Variants in MYT1L observed in about 807,000 individuals in gnomAD.
MYT1L encodes the protein myelin transcription factor 1-like protein.
A neutral mutation model predicts 126.7 loss-of-function variants in MYT1L; 12 were observed. The observed-to-expected ratio is 0.09, with a 90% CI of 0.06 to 0.15. The LOEUF (loss-of-function observed/expected upper bound fraction) is 0.15. Among genes scored for constraint, MYT1L ranks in the 10% least tolerant of loss-of-function variants. MYT1L has a pLI of 1.00. For synonymous variants in MYT1L, 541 were observed against 604.2 expected (o/e 0.90, Z 1.53); for missense variants, 979 against 1,585.2 (o/e 0.62, Z 6.49).
At chr2:2,133,974 T>G (rs771952475) in intron 3 of MYT1L, among the ~76,000 whole-genome samples, 4 of 152,238 alleles carry the variant, frequency 2.6e-5, no homozygotes, top group Admixed American at 1.3e-4. Context: ...TTGATTCTCT[T>G]TAGAAACTGC....
chr2:2,009,989 CTT>C (rs2063677728), intron 4 of MYT1L, among the ~76,000 whole-genome samples: 1 of 134,980 alleles, frequency 7.4e-6, no homozygotes, highest in Non-Finnish European at 1.6e-5. Flanking sequence ...GTTTTAAAAT[CTT>C]TCATTCTGTT....
At chr2:1,935,617 C>T (rs374967610) in intron 9 of MYT1L, among the ~76,000 whole-genome samples, 11 of 152,274 alleles carry the variant, frequency 7.2e-5, no homozygotes, top group East Asian at 1.9e-4. Flanking sequence ...AGGAAGGGCA[C>T]GTACTATTAT....
chr2:1,927,105 G>A (rs1573639638), intron 9 of MYT1L, among the ~76,000 whole-genome samples: 1 of 152,192 alleles, frequency 6.6e-6, no homozygotes, highest in East Asian at 1.9e-4. Context: ...GGCCAGCCTG[G>A]GGCTGACCGC....
At chr2:2,039,503 T>C (rs1169525440) in intron 4 of MYT1L, among the ~76,000 whole-genome samples, 1 of 152,202 alleles carries the variant, frequency 6.6e-6, no homozygotes, top group African/African-American at 2.4e-5. Flanking sequence ...GTTTCCTGAC[T>C]GTTAGGGAAG....
At chr2:1,921,995 T>A (rs2053626170) in intron 10 of MYT1L, among the ~76,000 whole-genome samples, 1 of 152,242 alleles carries the variant, frequency 6.6e-6, no homozygotes, top group Admixed American at 6.5e-5. Context: ...TATCAAGTGA[T>A]GTGTCTGTGC....
At chr2:2,094,335 T>C (rs2150408623) in intron 3 of MYT1L, among the ~76,000 whole-genome samples, 1 of 152,318 alleles carries the variant, frequency 6.6e-6, no homozygotes, top group Admixed American at 6.5e-5. Context: ...TGTAAACTGG[T>C]TCAACCATTG....
chr2:2,005,087 CGTTCTTTCCTG>C, intron 4 of MYT1L, among the ~76,000 whole-genome samples: 1 of 148,506 alleles, frequency 6.7e-6, no homozygotes, highest in Non-Finnish European at 1.5e-5. Flanking sequence ...TTCCTGCAGG[CGTTCTTTCCTG>C]AATATGTTCT....
chr2:2,156,391 G>C (rs1160916858), intron 3 of MYT1L, among the ~76,000 whole-genome samples: 1 of 152,226 alleles, frequency 6.6e-6, no homozygotes, highest in Non-Finnish European at 1.5e-5. Context: ...ACAGGGGAGA[G>C]AACTGAGTGT....
intron 4 of MYT1L, among the ~76,000 whole-genome samples, chr2:2,012,341 T>C (rs1412464267): frequency 6.6e-6 from 1 of 152,252 alleles, no homozygotes; most frequent in Non-Finnish European, 1.5e-5. Flanking sequence ...TAACACATTA[T>C]GCTAAGTGAG....
chr2:1,926,178 G>A (rs910437159), intron 9 of MYT1L, among the ~76,000 whole-genome samples: 3 of 152,144 alleles, frequency 2.0e-5, no homozygotes, highest in African/African-American at 7.2e-5. Context: ...AGCCTGGCAG[G>A]TGAATGGAAT....
intron 3 of MYT1L, among the ~76,000 whole-genome samples, chr2:2,160,904 CTTA>C (rs2087770231): frequency 6.6e-6 from 1 of 152,148 alleles, no homozygotes; most frequent in African/African-American, 2.4e-5. Flanking sequence ...CACTGTGGAT[CTTA>C]TTTAGATTCC....
At chr2:2,162,386 G>A (rs773250536) in intron 3 of MYT1L, among the ~76,000 whole-genome samples, 3 of 152,038 alleles carry the variant, frequency 2.0e-5, no homozygotes, top group South Asian at 2.1e-4. Context: ...CAGTGCCCGC[G>A]GTCCACAGAG....
intron 3 of MYT1L, among the ~76,000 whole-genome samples, chr2:2,076,848 G>A (rs766526982): frequency 2.0e-5 from 3 of 152,060 alleles, no homozygotes; most frequent in Non-Finnish European, 4.4e-5. Context: ...AACTGAAAAT[G>A]TCCCTGAAAG....
intron 2 of MYT1L, among the ~76,000 whole-genome samples, chr2:2,275,202 A>ATGTGTGTGTGTGTG (rs10522538): frequency 8.7e-4 from 122 of 139,550 alleles, no homozygotes; most frequent in Non-Finnish European, 1.1e-3. Flanking sequence ...TAATAATAAA[A>ATGTGTGTGTGTGTG]TGTGTGTGTG....
At position 1,922,260 on chromosome 2, in the gene MYT1L, C is replaced by T; in HGVS notation, c.1483+26G>A. ...TACCCTAGCTCATGTTTTCATGAGGCAACTTACGTTAGGTAGAAATATTAC... is the reference window on the plus strand; with the variant it reads ...TACCCTAGCTCATGTTTTCATGAGGTAACTTACGTTAGGTAGAAATATTAC... On this transcript the variant is annotated intron_variant, in intron 10 of 24. Transcript: ENST00000647738. This position sits in a 1 kb window ranked among gnomAD's most constrained non-coding sequence, Gnocchi z 7.4. The T allele has an allele frequency of 6.2e-7, 1 of 1,602,882 alleles. No individual in the cohort carries two copies. The highest frequency in any genetic ancestry group is 2.2e-5 in the East Asian group (1 of 44,682).
intron 3 of MYT1L, among the ~76,000 whole-genome samples, chr2:2,153,458 G>A (rs1205664422): frequency 6.6e-6 from 1 of 152,164 alleles, no homozygotes; most frequent in East Asian, 1.9e-4. Context: ...ACACACAGGT[G>A]GTTGTTTAGA....
chr2:1,968,901 C>T (rs971262006), intron 8 of MYT1L, among the ~76,000 whole-genome samples: 1 of 151,974 alleles, frequency 6.6e-6, no homozygotes, highest in Non-Finnish European at 1.5e-5. Flanking sequence ...AGCCTCTGGG[C>T]CCCTCCTGCG....
chr2:2,032,618 A>C (rs1176122557), intron 4 of MYT1L, among the ~76,000 whole-genome samples: 192 of 73,686 alleles, frequency 2.6e-3, no homozygotes, highest in Middle Eastern at 0.014. Context: ...CACCCCTCGC[A>C]AGTGCCTCTC....
intron 4 of MYT1L, among the ~76,000 whole-genome samples, chr2:2,006,675 A>C (rs933119809): frequency 6.6e-6 from 1 of 152,074 alleles, no homozygotes; most frequent in Non-Finnish European, 1.5e-5. Context: ...TCCTGGGTTC[A>C]AGTGATCCTC....
Sources: allele counts gnomAD v4.1 joint callset (sites outside exome capture counted in the v4.1 genomes callset), GRCh38; gene constraint gnomAD v4.1.1; non-coding constraint Gnocchi (gnomAD v3.1); transcripts MANE v1.5; gene names NCBI Gene and HGNC (gene_info 2026-07-23, HGNC 2026-07-21).